BIRC6: variants seen among roughly 807,000 people sequenced by gnomAD.
BIRC6 encodes the protein baculoviral IAP repeat containing 6, also known as dual E2 ubiquitin-conjugating enzyme/E3 ubiquitin-protein ligase BIRC6.
BIRC6 carries 98 observed loss-of-function variants against 503.3 expected under a neutral mutation model. That is an observed-to-expected ratio of 0.19 (90% confidence interval 0.17 to 0.23). The LOEUF (loss-of-function observed/expected upper bound fraction) is 0.23. Ranked by LOEUF, BIRC6 falls within the 10% of genes least tolerant of loss-of-function variation. The pLI, the probability that BIRC6 is intolerant of heterozygous loss-of-function variation, is 1.00. For missense variants in BIRC6, 5,360 were observed against 5,806.0 expected (o/e 0.92, Z 2.50); for synonymous variants, 2,240 against 2,078.7 (o/e 1.08, Z -2.11).
intron 71 of BIRC6, among the ~76,000 whole-genome samples, chr2:32,605,308 C>T (rs372028644): frequency 6.6e-6 from 1 of 152,038 alleles, no homozygotes; most frequent in South Asian, 2.1e-4. Context: ...CAAAATACGC[C>T]GTGAATCTAA....
intron 73 of BIRC6, among the ~76,000 whole-genome samples, chr2:32,613,705 C>T (rs1359371837): frequency 2.0e-5 from 3 of 152,174 alleles, no homozygotes; most frequent in East Asian, 1.9e-4. Context: ...TAACCCTCTG[C>T]GTCTACCTGT....
chr2:32,499,442 G>A, intron 45 of BIRC6, 105 bp from the exon 46 acceptor site: 1 of 1,000,572 alleles, frequency 1.0e-6, no homozygotes, highest in African/African-American at 1.6e-5. Flanking sequence ...ATTGTGATAA[G>A]TTACTACTTT....
Position 32,510,012 on chromosome 2 carries a change from T to A in BIRC6, c.10237+18T>A. The A allele has an allele frequency of 6.2e-7, 1 of 1,610,962 alleles. No individual in the cohort carries two copies. Among genetic ancestry groups the A allele is most frequent in the South Asian group, 1.1e-5 (1 of 90,414 alleles). ...TCCTACAGGTGATAATTAACTTTGATATTTAAATGTTTACATATCTGTAAA... is the reference window on the plus strand; with the variant it reads ...TCCTACAGGTGATAATTAACTTTGAAATTTAAATGTTTACATATCTGTAAA... On this transcript the variant is annotated intron_variant, in intron 52 of 73. Transcript: ENST00000421745.
intron 23 of BIRC6, among the ~76,000 whole-genome samples, chr2:32,456,836 A>AT (rs1285176310): frequency 6.6e-6 from 1 of 152,074 alleles, no homozygotes; most frequent in African/African-American, 2.4e-5. Flanking sequence ...AGATTTGTTT[A>AT]TTTTTTGTCA....
At chr2:32,506,036 A>C (rs982205925) in intron 50 of BIRC6, among the ~76,000 whole-genome samples, 4 of 151,880 alleles carry the variant, frequency 2.6e-5, no homozygotes, top group African/African-American at 9.7e-5. Flanking sequence ...TTTTGTAGAG[A>C]CGGGGTTTTG....
Position 32,515,452 on chromosome 2 carries a change from T to C in BIRC6, c.11031T>C (p.Pro3677=), listed in dbSNP as rs2054924395. The C allele has an allele frequency of 1.2e-6, 2 of 1,613,264 alleles. No individual in the cohort carries two copies. Among genetic ancestry groups the C allele is most frequent in the African/African-American group, 1.3e-5 (1 of 74,950 alleles). The stretch of plus-strand genomic sequence containing the variant: ...TCCCACAACAATGTAATAAGATGCC[T>C]ATCACAGCCGACCTAGTTGCTCCTA... The part of the protein sequence containing the change: ...HHVPQQCNKM[P]ITADLVAPIL... The change falls in exon 55 of 74, where the codon CCT becomes CCC. Residue 3677 remains proline, a synonymous_variant. Coordinates refer to ENST00000421745, the MANE Select transcript of BIRC6 (RefSeq NM_016252.4).
At position 32,490,055 on chromosome 2, in the gene BIRC6, T is replaced by A; in HGVS notation, c.8110T>A (p.Phe2704Ile). ...ISLNQASITS[F>I]LTVLAWYPNT... is the part of the protein sequence containing the mutation. ...TTTCTGCATAGCATCAATAACTAGC[T>A]TTCTCACAGTGTTAGCTTGGTATCC... The change falls in exon 43 of 74, where the codon TTT becomes ATT. Residue 2704 changes from phenylalanine to isoleucine, a missense_variant. Phe to Ile is a conservative substitution (Grantham distance 21). Coordinates refer to ENST00000421745, the MANE Select transcript of BIRC6 (RefSeq NM_016252.4). 10 of 1,610,874 alleles carry A rather than the reference T, an allele frequency of 6.2e-6. No individual in the cohort carries two copies. The highest frequency in any genetic ancestry group is 8.5e-6 in the Non-Finnish European group (10 of 1,177,212).
chr2:32,445,623 A>C lies in BIRC6; in HGVS notation c.4439A>C (p.Gln1480Pro), dbSNP rs2045868929. 1 of 1,605,156 alleles carries C rather than the reference A, an allele frequency of 6.2e-7. No individual in the cohort carries two copies. The highest frequency in any genetic ancestry group is 8.5e-7 in the Non-Finnish European group (1 of 1,175,484). Residue 1480 changes from glutamine to proline, a missense_variant, in exon 21 of 74, where the codon CAG becomes CCG. Gln to Pro is a moderately conservative substitution (Grantham distance 76, BLOSUM62 -1). Coordinates refer to ENST00000421745, the MANE Select transcript of BIRC6 (RefSeq NM_016252.4). Reference protein sequence around the residue: ...CASLLTAVSRQLQDRLTPMEA... With the variant: ...CASLLTAVSRPLQDRLTPMEA... The stretch of plus-strand genomic sequence containing the variant: ...TCTTTGCTTACTGCAGTGTCCAGAC[A>C]GTTACAGGACAGGCTAACACCAATG...
intron 66 of BIRC6, among the ~76,000 whole-genome samples, chr2:32,591,612 A>C (rs1416899616): frequency 1.3e-5 from 2 of 152,210 alleles, no homozygotes; most frequent in East Asian, 3.8e-4. Context: ...TTTCTGGAAA[A>C]AGAGCTTCAC....
chr2:32,494,458 C>A (rs917007892), intron 45 of BIRC6, among the ~76,000 whole-genome samples: 2 of 151,426 alleles, frequency 1.3e-5, no homozygotes, highest in African/African-American at 4.8e-5. Context: ...GATCTCCTGA[C>A]CTCGTGATCC....
chr2:32,602,941 C>T (rs1049193935), intron 70 of BIRC6, 65 bp from the exon 71 acceptor site: 73 of 1,378,412 alleles, frequency 5.3e-5, no homozygotes, highest in East Asian at 7.1e-5. Flanking sequence ...TTTTACTTCT[C>T]GTTATGACAG....
chr2:32,567,980 C>G (rs768527502), intron 65 of BIRC6, among the ~76,000 whole-genome samples: 1 of 151,968 alleles, frequency 6.6e-6, no homozygotes, highest in African/African-American at 2.4e-5. Context: ...GGCATGGTGG[C>G]GGGCACCTGT....
intron 33 of BIRC6, among the ~76,000 whole-genome samples, chr2:32,473,706 CGTGTGTGTGTGTGTGTGTGTGTGTGT>C (rs70938348): frequency 5.5e-5 from 4 of 72,688 alleles, no homozygotes; most frequent in Non-Finnish European, 7.3e-5. Context: ...TCTCCTTTTT[CGTGTGTGTGTGTGTGTGTGTGTGTGT>C]GTGTGTGTGT....
At chr2:32,487,610 C>T in intron 40 of BIRC6, 37 bp from the exon 41 acceptor site, 2 of 1,582,684 alleles carry the variant, frequency 1.3e-6, no homozygotes, top group Non-Finnish European at 1.7e-6. Context: ...TATCCTGATA[C>T]TTTATGTATA....
chr2:32,545,884 A>T, intron 63 of BIRC6, 24 bp downstream of exon 63: 2 of 1,588,960 alleles, frequency 1.3e-6, no homozygotes, highest in Non-Finnish European at 1.7e-6. Context: ...TAATTATTTC[A>T]GTTATTAAAA....
intron 67 of BIRC6, among the ~76,000 whole-genome samples, chr2:32,594,564 C>T (rs1024627948): frequency 3.3e-5 from 5 of 152,100 alleles, no homozygotes; most frequent in African/African-American, 1.2e-4. Flanking sequence ...GGCATAATGG[C>T]GTGTGCCTGT....
chr2:32,361,707 T>A (rs1420216076), intron 1 of BIRC6, among the ~76,000 whole-genome samples: 1 of 152,016 alleles, frequency 6.6e-6, no homozygotes, highest in African/African-American at 2.4e-5. Context: ...AACTGTTCCC[T>A]CCCCTCTCCC....
In BIRC6 at chr2:32,373,489, C is replaced by G. The variant is rs115463381; in HGVS notation, c.326-4099C>G. ...CAAGACCATTCATTGGGGGAAGCGA[C>G]AATCTTTTCAACAAATGTTGCTGGG... is the stretch of plus-strand genomic sequence containing the variant. On this transcript the variant is annotated intron_variant, in intron 1 of 73. Transcript: ENST00000421745. Among the ~76,000 whole-genome samples the G allele has an allele frequency of 1.8e-3, 273 of 152,298 alleles. 2 individuals are homozygous for G. The highest frequency in any genetic ancestry group is 6.4e-3 in the African/African-American group (264 of 41,564).
chr2:32,501,610 A>T, intron 46 of BIRC6, 103 bp from the exon 47 acceptor site: 1 of 893,256 alleles, frequency 1.1e-6, no homozygotes, highest in Non-Finnish European at 1.7e-6. Flanking sequence ...AAGTCAGGTG[A>T]TCCACCTGCC....
Sources: allele counts gnomAD v4.1 joint callset (sites outside exome capture counted in the v4.1 genomes callset), GRCh38; gene constraint gnomAD v4.1.1; transcripts MANE v1.5; gene names NCBI Gene and HGNC (gene_info 2026-07-23, HGNC 2026-07-21).